ACER3: variants seen among roughly 807,000 people sequenced by gnomAD.
ACER3 encodes the protein alkCDase 3.
ACER3 carries 16 observed loss-of-function variants against 48.9 expected under a neutral mutation model. The observed-to-expected ratio is 0.33, with a 90% CI of 0.22 to 0.50. The LOEUF (loss-of-function observed/expected upper bound fraction) is 0.50. Ranked by LOEUF, ACER3 falls within the 20% of genes least tolerant of loss-of-function variation. The pLI, the probability that ACER3 is intolerant of heterozygous loss-of-function variation, is 0.98. For missense variants in ACER3, 227 were observed against 326.0 expected (o/e 0.70, Z 2.34); for synonymous variants, 109 against 107.8 (o/e 1.01, Z -0.07).
intron 1 of ACER3, among the ~76,000 whole-genome samples, chr11:76,919,241 TGGAAAACCG>T: frequency 6.6e-6 from 1 of 152,054 alleles, no homozygotes; most frequent in East Asian, 1.9e-4. Flanking sequence ...AGCCAAATGT[TGGAAAACCG>T]TTTAGATTGT....
At chr11:77,019,813 G>C (rs782259392) in intron 10 of ACER3, 37 bp downstream of exon 10, 19 of 1,601,728 alleles carry the variant, frequency 1.2e-5, no homozygotes, top group Non-Finnish European at 1.6e-5. Flanking sequence ...GTGTGTTGGG[G>C]GTATGGTACT....
intron 2 of ACER3, among the ~76,000 whole-genome samples, chr11:76,951,204 A>G (rs552927961): frequency 6.6e-6 from 1 of 152,230 alleles, no homozygotes; most frequent in African/African-American, 2.4e-5. Context: ...AGATTCATAA[A>G]TAAAAGTCTT....
intron 1 of ACER3, among the ~76,000 whole-genome samples, chr11:76,869,156 T>C (rs888428927): frequency 6.6e-6 from 1 of 152,152 alleles, no homozygotes; most frequent in Non-Finnish European, 1.5e-5. Context: ...GCTGACACTA[T>C]CTCGAGGTGG....
At chr11:76,963,819 A>G (rs548590914) in intron 3 of ACER3, among the ~76,000 whole-genome samples, 1 of 151,588 alleles carries the variant, frequency 6.6e-6, no homozygotes, top group South Asian at 2.1e-4. Context: ...TGCGTTAAGA[A>G]AAGAAACCTG....
intron 1 of ACER3, among the ~76,000 whole-genome samples, chr11:76,925,614 C>G (rs544523320): frequency 3.3e-5 from 5 of 152,268 alleles, no homozygotes; most frequent in African/African-American, 1.2e-4. Flanking sequence ...AGTCTTGAGC[C>G]TTTTCTTTAC....
intron 1 of ACER3, among the ~76,000 whole-genome samples, chr11:76,920,683 C>A (rs897767233): frequency 6.7e-6 from 1 of 149,282 alleles, no homozygotes; most frequent in Non-Finnish European, 1.5e-5. Context: ...GTCACCCAGG[C>A]TGCAGTGCAG....
At chr11:76,921,225 T>C (rs1463354735) in intron 1 of ACER3, among the ~76,000 whole-genome samples, 1 of 152,224 alleles carries the variant, frequency 6.6e-6, no homozygotes, top group Non-Finnish European at 1.5e-5. Flanking sequence ...GATAAAGATG[T>C]TCTCCCATAT....
intron 2 of ACER3, among the ~76,000 whole-genome samples, chr11:76,932,078 A>G (rs1447384326): frequency 2.0e-5 from 3 of 151,726 alleles, no homozygotes; most frequent in African/African-American, 7.3e-5. Context: ...CCTCCCAAGT[A>G]GCTGGGACCA....
intron 1 of ACER3, among the ~76,000 whole-genome samples, chr11:76,865,275 A>G (rs908154282): frequency 1.3e-5 from 2 of 151,580 alleles, no homozygotes; most frequent in East Asian, 1.9e-4. Context: ...ATGAGCCACC[A>G]TGCCCAGCCG....
intron 5 of ACER3, 42 bp from the exon 6 acceptor site, chr11:76,990,497 T>C: frequency 7.4e-7 from 1 of 1,347,048 alleles, no homozygotes; most frequent in Non-Finnish European, 1.1e-6. Context: ...CCCCCCTTCA[T>C]AATGTACTTC....
At chr11:76,865,284 C>T (rs1226762794) in intron 1 of ACER3, among the ~76,000 whole-genome samples, 1 of 151,428 alleles carries the variant, frequency 6.6e-6, no homozygotes, top group Non-Finnish European at 1.5e-5. Flanking sequence ...CATGCCCAGC[C>T]GGGATGAGTA....
At chr11:77,002,307 T>C (rs983134754) in intron 7 of ACER3, among the ~76,000 whole-genome samples, 2 of 152,208 alleles carry the variant, frequency 1.3e-5, no homozygotes, top group African/African-American at 4.8e-5. Context: ...TAATTTTCTT[T>C]ATCATGAATG....
At chr11:76,921,731 G>A (rs1396567969) in intron 1 of ACER3, among the ~76,000 whole-genome samples, 7 of 151,980 alleles carry the variant, frequency 4.6e-5, no homozygotes, top group Admixed American at 2.6e-4. Flanking sequence ...TTAGTATTAT[G>A]TCTTATATGT....
intron 9 of ACER3, among the ~76,000 whole-genome samples, chr11:77,017,886 T>G (rs1949400345): frequency 6.6e-6 from 1 of 151,936 alleles, no homozygotes; most frequent in Admixed American, 6.6e-5. Flanking sequence ...TCTGACAATA[T>G]TTCAAACTTT....
intron 4 of ACER3, among the ~76,000 whole-genome samples, chr11:76,985,143 C>G (rs1948661988): frequency 6.6e-6 from 1 of 152,132 alleles, no homozygotes; most frequent in African/African-American, 2.4e-5. Context: ...CTCTATACCT[C>G]TTTTTTGGAG....
At chr11:76,929,096 T>C (rs1946919829) in intron 2 of ACER3, among the ~76,000 whole-genome samples, 1 of 152,234 alleles carries the variant, frequency 6.6e-6, no homozygotes, top group Non-Finnish European at 1.5e-5. Context: ...CCCATGAGCA[T>C]GGAATGTTCT....
In ACER3 at chr11:76,861,121, C is replaced by T. The variant is rs6592674; in HGVS notation, c.103+42C>T. The T allele has an allele frequency of 9.3e-3, 13,936 of 1,505,546 alleles. 1,063 individuals carry two copies. In the African/African-American group the frequency reaches 0.17, roughly 18 times the overall value. The allele number at this position is 1,505,546 out of a possible 1,614,324, so 93.3% of individuals were successfully genotyped here. A position where few individuals can be genotyped will look rare whatever the true frequency, so the allele number is the denominator to read the frequency against. ...GAGGGGAGTGGGGGCGAGAGGGCAC[C>T]GGGCTGAGGAGACGCCGTGTGAGGA... On this transcript the variant is annotated intron_variant, in intron 1 of 10. Transcript: ENST00000532485.
intron 1 of ACER3, among the ~76,000 whole-genome samples, chr11:76,903,077 A>T (rs1946121824): frequency 6.6e-6 from 1 of 152,162 alleles, no homozygotes; most frequent in Non-Finnish European, 1.5e-5. Flanking sequence ...TGTATCCATG[A>T]CATACCTTTT....
chr11:77,020,442 G>T lies in ACER3; in HGVS notation c.*115G>T. ...ATGTCATGACCATCACAGCAGAGGA[G>T]TGACTTTCTGACTAATGCTGCCACC... is the stretch of plus-strand genomic sequence containing the variant. On this transcript the variant is annotated 3_prime_UTR_variant, in exon 11 of 11. Transcript: ENST00000532485. 1 of 1,218,036 alleles carries T rather than the reference G, an allele frequency of 8.2e-7. No individual in the cohort carries two copies. Among genetic ancestry groups the T allele is most frequent in the Non-Finnish European group, 1.2e-6 (1 of 866,860 alleles). 75.5% of individuals were successfully genotyped at this position (1,218,036 alleles called of 1,614,324 possible). A position where few individuals can be genotyped will look rare whatever the true frequency, so the allele number is the denominator to read the frequency against.
Sources: allele counts gnomAD v4.1 joint callset (sites outside exome capture counted in the v4.1 genomes callset), GRCh38; gene constraint gnomAD v4.1.1; transcripts MANE v1.5; gene names NCBI Gene and HGNC (gene_info 2026-07-23, HGNC 2026-07-21).